CSMD1: variants seen among roughly 807,000 people sequenced by gnomAD.
The protein encoded by CSMD1 is CUB and Sushi multiple domains 1, also known as CUB and sushi domain-containing protein 1.
A neutral mutation model predicts 417.5 loss-of-function variants in CSMD1; 213 were observed. The ratio of observed to expected loss-of-function variants is 0.51; its 90% CI spans 0.46 to 0.57. The LOEUF is 0.57. Ranked by LOEUF, CSMD1 falls within the 20% of genes least tolerant of loss-of-function variation. The pLI is 0.00. For missense variants in CSMD1, 6,923 were observed against 4,529.7 expected (o/e 1.53, Z -15.17); for synonymous variants, 2,862 against 1,736.8 (o/e 1.65, Z -16.11).
rs116021817 is a variant in CSMD1 at position 3,869,594 on chromosome 8, A to G, written c.819-115552T>C. On this transcript the variant is annotated intron_variant, in intron 5 of 69. Coordinates refer to ENST00000635120, the MANE Select transcript of CSMD1 (RefSeq NM_033225.6). Reference sequence around the variant, plus strand: ...ATATAAACCTATCTATCAGATATAAATAGTGAGAGAAAACATGCACTTTCT... The same window carrying G: ...ATATAAACCTATCTATCAGATATAAGTAGTGAGAGAAAACATGCACTTTCT... Among the ~76,000 whole-genome samples, 663 of 152,302 alleles carry G rather than the reference A, an allele frequency of 4.4e-3. 4 individuals carry two copies. Among genetic ancestry groups the G allele is most frequent in the African/African-American group, 0.015 (627 of 41,566 alleles).
intron 7 of CSMD1, among the ~76,000 whole-genome samples, chr8:3,651,255 A>T (rs1263669532): frequency 6.6e-6 from 1 of 152,164 alleles, no homozygotes; most frequent in East Asian, 1.9e-4. Context: ...CCTTTGGTTG[A>T]AACACCTCAA....
chr8:4,162,393 C>T (rs1046609360), intron 3 of CSMD1, among the ~76,000 whole-genome samples: 1 of 152,050 alleles, frequency 6.6e-6, no homozygotes, highest in Non-Finnish European at 1.5e-5. Flanking sequence ...TTTATCTTGA[C>T]AGTAAATCTT....
At chr8:4,391,812 C>T (rs1803867074) in intron 3 of CSMD1, among the ~76,000 whole-genome samples, 2 of 152,176 alleles carry the variant, frequency 1.3e-5, no homozygotes, top group Non-Finnish European at 2.9e-5. Context: ...CAAATCATGG[C>T]AGCTGCCTTG....
intron 4 of CSMD1, among the ~76,000 whole-genome samples, chr8:4,004,341 G>C (rs879650882): frequency 4.6e-5 from 7 of 151,616 alleles, no homozygotes; most frequent in East Asian, 3.9e-4. Flanking sequence ...GTTTCTGAGA[G>C]AGTATATCCA....
intron 3 of CSMD1, among the ~76,000 whole-genome samples, chr8:4,188,280 T>C (rs1259266325): frequency 6.6e-6 from 1 of 152,146 alleles, no homozygotes; most frequent in Admixed American, 6.6e-5. Context: ...GCCCTAGACG[T>C]CGGTCAATGT....
chr8:3,646,993 C>A (rs1310218044), intron 7 of CSMD1, among the ~76,000 whole-genome samples: 2 of 152,262 alleles, frequency 1.3e-5, no homozygotes, highest in African/African-American at 4.8e-5. Context: ...GGGCCAGATA[C>A]GCATTTTTGA....
At chr8:3,472,060 T>C (rs1393092280) in intron 11 of CSMD1, among the ~76,000 whole-genome samples, 1 of 152,132 alleles carries the variant, frequency 6.6e-6, no homozygotes, top group East Asian at 1.9e-4. Flanking sequence ...ACTCTACTGC[T>C]GTCCATCATC....
intron 30 of CSMD1, among the ~76,000 whole-genome samples, chr8:3,211,113 C>T (rs537226217): frequency 4.9e-4 from 74 of 152,240 alleles, no homozygotes; most frequent in African/African-American, 1.5e-3. Context: ...GATCCAGTCA[C>T]GGCTCACTGC....
chr8:3,943,523 T>C (rs542368019), intron 5 of CSMD1, among the ~76,000 whole-genome samples: 1 of 151,504 alleles, frequency 6.6e-6, no homozygotes, highest in East Asian at 1.9e-4. Context: ...AAATGGAATC[T>C]GTACAGAGAT....
chr8:4,040,196 G>A (rs183060326), intron 3 of CSMD1, among the ~76,000 whole-genome samples: 164 of 151,704 alleles, frequency 1.1e-3, no homozygotes, highest in African/African-American at 3.5e-3. Context: ...GAAGGAGAAG[G>A]ACATCGTAGT....
chr8:3,354,916 T>TCTATATCTATA lies in CSMD1; in HGVS notation c.3304+4235_3304+4236insTATAGATATAG, dbSNP rs1491331556. 2.2e-3 allele frequency among the ~76,000 whole-genome samples: 324 copies of TCTATATCTATA among 149,566 alleles called. 6 individuals carry two copies. The highest frequency in any genetic ancestry group is 5.9e-3 in the East Asian group (30 of 5,052). ...CTATCTATAGATCTATCTATAGATATGTCTATCTATAGATATAGATATATA... is the reference window on the plus strand; with the variant it reads ...CTATCTATAGATCTATCTATAGATATCTATATCTATAGTCTATCTATAGATATAGATATATA... On this transcript the variant is annotated intron_variant, in intron 21 of 69. Transcript: ENST00000635120.
intron 5 of CSMD1, among the ~76,000 whole-genome samples, chr8:3,927,386 G>T (rs533753348): frequency 2.0e-5 from 3 of 151,976 alleles, no homozygotes; most frequent in African/African-American, 7.2e-5. Context: ...AAACAATACA[G>T]CCAGACACAG....
At chr8:4,902,035 T>C (rs1055564421) in intron 1 of CSMD1, among the ~76,000 whole-genome samples, 1 of 152,192 alleles carries the variant, frequency 6.6e-6, no homozygotes, top group Non-Finnish European at 1.5e-5. Flanking sequence ...GCAAACATAC[T>C]GTGGCTTTGG....
intron 12 of CSMD1, among the ~76,000 whole-genome samples, chr8:3,464,707 T>C (rs537472122): frequency 1.3e-5 from 2 of 151,884 alleles, no homozygotes; most frequent in East Asian, 1.9e-4. Flanking sequence ...ACTAGTCATA[T>C]AGAGTTTGCT....
intron 11 of CSMD1, among the ~76,000 whole-genome samples, chr8:3,489,447 G>A (rs991879033): frequency 2.0e-5 from 3 of 152,164 alleles, no homozygotes; most frequent in Non-Finnish European, 4.4e-5. Flanking sequence ...ATGGCTAATA[G>A]CTGCAAAGGC....
intron 3 of CSMD1, among the ~76,000 whole-genome samples, chr8:4,108,756 G>C (rs1407867677): frequency 2.6e-5 from 4 of 151,572 alleles, no homozygotes; most frequent in South Asian, 2.1e-4. Context: ...TTAGTTTCTA[G>C]GCAGCTCATT....
chr8:4,223,404 G>A (rs1247764167), intron 3 of CSMD1, among the ~76,000 whole-genome samples: 1 of 152,246 alleles, frequency 6.6e-6, no homozygotes, highest in African/African-American at 2.4e-5. Flanking sequence ...AAGGTAAGCA[G>A]GAAAGGGCGT....
chr8:4,913,169 G>A lies in CSMD1; in HGVS notation c.85+81163C>T, dbSNP rs115824026. Among the ~76,000 whole-genome samples, 988 of 152,282 alleles carry A rather than the reference G, an allele frequency of 6.5e-3. 8 individuals carry two copies. The highest frequency in any genetic ancestry group is 0.023 in the African/African-American group (945 of 41,556). On this transcript the variant is annotated intron_variant, in intron 1 of 69. Coordinates refer to ENST00000635120, the MANE Select transcript of CSMD1 (RefSeq NM_033225.6). ...CCACTCAGAACAGGCACAGGACAGT[G>A]GGTCTTGCAAAGATTAGGTTGGTGC... is the stretch of plus-strand genomic sequence containing the variant.
chr8:3,890,063 C>T (rs970232797), intron 5 of CSMD1, among the ~76,000 whole-genome samples: 3 of 152,062 alleles, frequency 2.0e-5, no homozygotes, highest in Non-Finnish European at 4.4e-5. Flanking sequence ...CCCAATTTAT[C>T]ATTGCATTTG....
Sources: gnomAD v4.1 joint callset for allele counts (sites outside exome capture counted in the v4.1 genomes callset) on GRCh38, gnomAD v4.1.1 for gene constraint, MANE v1.5 for transcripts, NCBI Gene and HGNC (gene_info 2026-07-23, HGNC 2026-07-21) for gene names.